PLXNA2: variants seen among roughly 807,000 people sequenced by gnomAD.
The protein encoded by PLXNA2 is plexin A2.
In PLXNA2, 91 loss-of-function variants were observed where a neutral mutation model predicts 193.5. That is an observed-to-expected ratio of 0.47 (90% CI 0.40 to 0.56). PLXNA2 has a LOEUF of 0.56. Ranked by LOEUF, PLXNA2 falls within the 20% of genes least tolerant of loss-of-function variation. The probability of loss-of-function intolerance (pLI) is 0.00; values close to 1 mark genes in which losing one functional copy is unlikely to be tolerated. For synonymous variants in PLXNA2, 997 were observed against 1,027.3 expected (o/e 0.97, Z 0.56); for missense variants, 1,995 against 2,503.2 (o/e 0.80, Z 4.33).
chr1:208,141,674 TTC>T (rs1437683478), intron 4 of PLXNA2, among the ~76,000 whole-genome samples: 2 of 152,130 alleles, frequency 1.3e-5, no homozygotes, highest in Admixed American at 6.5e-5. Flanking sequence ...CCTTCCCTGC[TTC>T]TCTTTCCCTT....
At chr1:208,034,709 C>T (rs370994492) in intron 26 of PLXNA2, 117 bp from the exon 27 acceptor site, 3 of 636,442 alleles carry the variant, frequency 4.7e-6, no homozygotes. Flanking sequence ...GCAAGGAGTA[C>T]AGGAATACCA....
chr1:208,241,314 G>A (rs1484457916), intron 1 of PLXNA2, among the ~76,000 whole-genome samples: 1 of 152,230 alleles, frequency 6.6e-6, no homozygotes, highest in Non-Finnish European at 1.5e-5. Context: ...TGATGGTCAA[G>A]AGAGTTGCAG....
chr1:208,027,514 G>A (rs528853503), intron 31 of PLXNA2, among the ~76,000 whole-genome samples, 176 bp from the exon 32 acceptor site: 1 of 152,246 alleles, frequency 6.6e-6, no homozygotes, highest in South Asian at 2.1e-4. Flanking sequence ...CTATATATAT[G>A]TATGTATGTA....
intron 4 of PLXNA2, among the ~76,000 whole-genome samples, chr1:208,118,241 T>C (rs1288593919): frequency 6.6e-6 from 1 of 152,200 alleles, no homozygotes; most frequent in Non-Finnish European, 1.5e-5. Flanking sequence ...AAAAGAAAAC[T>C]GTGGACACCA....
At chr1:208,031,363 C>T (rs1176821586) in intron 29 of PLXNA2, 2 of 1,388,532 alleles carry the variant, frequency 1.4e-6, no homozygotes, top group Non-Finnish European at 1.9e-6. Context: ...TTCAAGGGTG[C>T]ATCCTATTGC....
At chr1:208,181,946 C>T (rs1558232485) in intron 3 of PLXNA2, among the ~76,000 whole-genome samples, 1 of 152,158 alleles carries the variant, frequency 6.6e-6, no homozygotes, top group Non-Finnish European at 1.5e-5. Flanking sequence ...GAAGTTCTTT[C>T]TATTATCTCA....
At chr1:208,110,838 C>T (rs564814825) in intron 4 of PLXNA2, among the ~76,000 whole-genome samples, 41 of 152,316 alleles carry the variant, frequency 2.7e-4, no homozygotes, top group African/African-American at 9.1e-4. Flanking sequence ...CGGGGCCATT[C>T]TTCTTCCTAG....
At chr1:208,121,885 T>A (rs748524627) in intron 4 of PLXNA2, among the ~76,000 whole-genome samples, 7 of 152,226 alleles carry the variant, frequency 4.6e-5, no homozygotes, top group Non-Finnish European at 8.8e-5. Flanking sequence ...AGTGACACCA[T>A]GCACGAACTT....
chr1:208,237,076 T>A (rs1429436008), intron 1 of PLXNA2, among the ~76,000 whole-genome samples: 1 of 152,216 alleles, frequency 6.6e-6, no homozygotes, highest in Non-Finnish European at 1.5e-5. Flanking sequence ...TCCCTTACCC[T>A]CTTTATGGAC....
At chr1:208,219,416 C>T (rs1029417372) in intron 1 of PLXNA2, among the ~76,000 whole-genome samples, 2 of 152,202 alleles carry the variant, frequency 1.3e-5, no homozygotes, top group Admixed American at 6.5e-5. Flanking sequence ...GAGAAGGCAG[C>T]GAGCTGTCCG....
In PLXNA2 at chr1:208,234,099, A is replaced by T. The variant is rs574927826; in HGVS notation, c.-81+9544T>A. On this transcript the variant is annotated intron_variant, in intron 1 of 31. Coordinates refer to ENST00000367033, the MANE Select transcript of PLXNA2 (RefSeq NM_025179.4). ...GTGCAGGGGACAAGAGACCGAAAAG[A>T]AAAGGTAGCTAAGTGGGCAGATCAA... 3.9e-5 allele frequency among the ~76,000 whole-genome samples: 6 copies of T among 152,162 alleles called. No individual in the cohort carries two copies. The South Asian group carries it at 1.3e-3, about 32-fold the overall frequency.
chr1:208,206,000 C>T (rs923810385), intron 3 of PLXNA2, among the ~76,000 whole-genome samples: 1 of 152,160 alleles, frequency 6.6e-6, no homozygotes, highest in Admixed American at 6.5e-5. Flanking sequence ...CTTTCTTGAC[C>T]TCCATTTCCT....
In PLXNA2 at chr1:208,025,636, T is replaced by C. The variant is rs1446604058; in HGVS notation, c.*1607A>G. 7.9e-5 allele frequency: 12 copies of C among 152,256 alleles called. No individual in the cohort carries two copies. Among genetic ancestry groups the C allele is most frequent in the Admixed American group, 4.6e-4 (7 of 15,270 alleles). 9.4% of individuals were successfully genotyped at this position (152,256 alleles called of 1,614,324 possible). ...AATGTGGGAGGCCTGGACACTCTGA[T>C]GGCTATCCTGGCCACCAAGGTCCTG... On this transcript the variant is annotated 3_prime_UTR_variant, in exon 32 of 32. Coordinates refer to ENST00000367033, the MANE Select transcript of PLXNA2 (RefSeq NM_025179.4).
At chr1:208,075,818 G>A (rs1487567644) in intron 12 of PLXNA2, among the ~76,000 whole-genome samples, 2 of 152,034 alleles carry the variant, frequency 1.3e-5, no homozygotes, top group Non-Finnish European at 2.9e-5. Context: ...CAGCACTTTG[G>A]GAGGCCAAGG....
chr1:208,071,770 CAAAT>C (rs1665986442), intron 12 of PLXNA2, among the ~76,000 whole-genome samples: 1 of 152,202 alleles, frequency 6.6e-6, no homozygotes, highest in Non-Finnish European at 1.5e-5. Context: ...ATGAGGCCTG[CAAAT>C]AAATGAACGA....
chr1:208,096,014 CT>C lies in PLXNA2; in HGVS notation c.1982+14del, dbSNP rs1666874211. 5 of 1,598,222 alleles carry C rather than the reference CT, an allele frequency of 3.1e-6. No individual in the cohort carries two copies. The highest frequency in any genetic ancestry group is 4.3e-6 in the Non-Finnish European group (5 of 1,165,558). On this transcript the variant is annotated intron_variant, in intron 8 of 31. Transcript: ENST00000367033. Reference sequence around the variant, plus strand: ...ATCCAGACCCAGAGCAAGACCCTTTCTAATAAGCACTTACAGTTGGTGGGCA... The same window carrying C: ...ATCCAGACCCAGAGCAAGACCCTTTCAATAAGCACTTACAGTTGGTGGGCA...
At chr1:208,098,732 C>T in intron 6 of PLXNA2, 114 bp downstream of exon 6, 1 of 1,245,888 alleles carries the variant, frequency 8.0e-7, no homozygotes, top group Non-Finnish European at 1.1e-6. Context: ...AGTCTCCTTA[C>T]TGGATTTAAA....
chr1:208,179,640 G>A (rs776430981), intron 3 of PLXNA2, among the ~76,000 whole-genome samples: 52 of 152,186 alleles, frequency 3.4e-4, no homozygotes, highest in Non-Finnish European at 6.6e-4. Context: ...GAGGGCCCTG[G>A]AGGCTCTATT....
At chr1:208,207,340 G>T (rs1456599614) in intron 3 of PLXNA2, among the ~76,000 whole-genome samples, 1 of 152,198 alleles carries the variant, frequency 6.6e-6, no homozygotes, top group Non-Finnish European at 1.5e-5. Flanking sequence ...ACCTTATTCT[G>T]TCTGTTCCTT....
Sources: allele counts gnomAD v4.1 joint callset (sites outside exome capture counted in the v4.1 genomes callset), GRCh38; gene constraint gnomAD v4.1.1; transcripts MANE v1.5; gene names NCBI Gene and HGNC (gene_info 2026-07-23, HGNC 2026-07-21).